RBMS1: variants seen among roughly 807,000 people sequenced by gnomAD.
The protein encoded by RBMS1 is RNA-binding motif, single-stranded-interacting protein 1.
RBMS1 carries 17 observed loss-of-function variants against 62.3 expected under a neutral mutation model. The ratio of observed to expected loss-of-function variants is 0.27; its 90% CI spans 0.19 to 0.41. The LOEUF is 0.41. Among genes scored for constraint, RBMS1 ranks in the 10% least tolerant of loss-of-function variants. The pLI is 1.00. For synonymous variants in RBMS1, 172 were observed against 170.0 expected (o/e 1.01, Z -0.09); for missense variants, 334 against 504.5 (o/e 0.66, Z 3.24).
chr2:160,275,450 ATTAATC>A, intron 13 of RBMS1, 174 bp downstream of exon 13: 1 of 1,181,400 alleles, frequency 8.5e-7, no homozygotes, highest in Non-Finnish European at 1.1e-6. Flanking sequence ...AGACAAAATG[ATTAATC>A]TTAAATTCAT....
At chr2:160,299,670 T>G (rs969321083) in intron 6 of RBMS1, among the ~76,000 whole-genome samples, 1 of 152,140 alleles carries the variant, frequency 6.6e-6, no homozygotes, top group African/African-American at 2.4e-5. Flanking sequence ...AGACTGGATG[T>G]GGGTGTAGGT....
At chr2:160,414,944 G>T (rs1032277522) in intron 1 of RBMS1, among the ~76,000 whole-genome samples, 1 of 151,780 alleles carries the variant, frequency 6.6e-6, no homozygotes, top group African/African-American at 2.4e-5. Context: ...TAAAATTCAA[G>T]ATTTTGCTTT....
intron 2 of RBMS1, among the ~76,000 whole-genome samples, chr2:160,318,658 A>C (rs981743409): frequency 6.6e-6 from 1 of 152,254 alleles, no homozygotes; most frequent in African/African-American, 2.4e-5. Context: ...AACAGCGGAA[A>C]GCTGCTTGCA....
rs944057598 is a variant in RBMS1 at position 160,394,769 on chromosome 2, CTT to C, written c.76-27380_76-27379del. 7.9e-5 allele frequency among the ~76,000 whole-genome samples: 12 copies of C among 152,190 alleles called. 1 individual carries two copies. The highest frequency in any genetic ancestry group is 1.5e-5 in the Non-Finnish European group (1 of 68,026). ...CAATGATTTTTTAAAAAGATACACT[CTT>C]TAACATTCATTAGAAAAACATTAGT... On this transcript the variant is annotated intron_variant, in intron 1 of 13. Coordinates refer to ENST00000348849, the MANE Select transcript of RBMS1 (RefSeq NM_016836.4).
intron 1 of RBMS1, among the ~76,000 whole-genome samples, chr2:160,478,996 C>T (rs1484931136): frequency 6.6e-6 from 1 of 152,274 alleles, no homozygotes; most frequent in African/African-American, 2.4e-5. Context: ...GCGTGGTGAA[C>T]GAAAGGGTTG....
chr2:160,296,957 T>C (rs578195522), intron 6 of RBMS1, among the ~76,000 whole-genome samples: 4 of 152,282 alleles, frequency 2.6e-5, no homozygotes, highest in South Asian at 4.1e-4. Flanking sequence ...GTGAACCCAC[T>C]TGACACTCCA....
At chr2:160,455,586 A>G (rs1028517450) in intron 1 of RBMS1, among the ~76,000 whole-genome samples, 1 of 152,182 alleles carries the variant, frequency 6.6e-6, no homozygotes, top group African/African-American at 2.4e-5. Flanking sequence ...ACCTGCCTGG[A>G]GAGGACACCA....
intron 1 of RBMS1, among the ~76,000 whole-genome samples, chr2:160,391,710 G>A (rs1694872569): frequency 2.6e-5 from 4 of 152,180 alleles, no homozygotes; most frequent in Non-Finnish European, 5.9e-5. Flanking sequence ...GGGCACAGTG[G>A]CTCATGCCTG....
chr2:160,286,796 G>T (rs4369810), intron 7 of RBMS1, among the ~76,000 whole-genome samples, 173 bp downstream of exon 7: 1 of 152,130 alleles, frequency 6.6e-6, no homozygotes, highest in Non-Finnish European at 1.5e-5. Context: ...ATAATGAAAA[G>T]AATTTTAATT....
intron 1 of RBMS1, among the ~76,000 whole-genome samples, chr2:160,445,873 C>T (rs1433635200): frequency 6.6e-6 from 1 of 152,080 alleles, no homozygotes; most frequent in East Asian, 1.9e-4. Context: ...TAGTATCTGC[C>T]TTTTCATTCA....
At chr2:160,414,589 C>T (rs1245594680) in intron 1 of RBMS1, among the ~76,000 whole-genome samples, 1 of 152,108 alleles carries the variant, frequency 6.6e-6, no homozygotes, top group Middle Eastern at 3.2e-3. Context: ...AAATTTGAAA[C>T]AAATAACTTA....
At chr2:160,331,121 A>G (rs1244231968) in intron 2 of RBMS1, among the ~76,000 whole-genome samples, 2 of 152,132 alleles carry the variant, frequency 1.3e-5, no homozygotes, top group Non-Finnish European at 2.9e-5. Flanking sequence ...TGACACCTTA[A>G]TTTTGGATTT....
chr2:160,489,065 C>T (rs1403087600), intron 1 of RBMS1, among the ~76,000 whole-genome samples: 2 of 152,196 alleles, frequency 1.3e-5, no homozygotes, highest in Non-Finnish European at 2.9e-5. Flanking sequence ...TCCTAGCTCA[C>T]CTATCTTTTC....
intron 1 of RBMS1, among the ~76,000 whole-genome samples, chr2:160,434,313 T>G (rs769230939): frequency 3.9e-5 from 6 of 152,176 alleles, no homozygotes; most frequent in Non-Finnish European, 7.4e-5. Context: ...ACATATATAT[T>G]AAATTCAAAA....
At chr2:160,484,676 C>T (rs1685519027) in intron 1 of RBMS1, among the ~76,000 whole-genome samples, 1 of 151,578 alleles carries the variant, frequency 6.6e-6, no homozygotes. Flanking sequence ...TCGAGACCAT[C>T]CTGGCTAACA....
rs773090759 is a variant in RBMS1, at chr2:160,275,706, A to G, written c.1152T>C (p.Ser384=). The part of the protein sequence containing the change: ...QTTAVPVEEA[S]GQQQVAVETS... ...TCTCGACAGCCACCTGCTGTTGACC[A>G]CTTGCCTCCTACAACAAACAAAGCA... The change falls in exon 13 of 14, where the codon AGT becomes AGC. Residue 384 remains serine (S), a synonymous_variant. Coordinates refer to ENST00000348849, the MANE Select transcript of RBMS1 (RefSeq NM_016836.4). 6.2e-7 allele frequency: 1 copy of G among 1,613,812 alleles called. No homozygotes were observed. The highest frequency in any genetic ancestry group is 8.5e-7 in the Non-Finnish European group (1 of 1,179,716).
chr2:160,493,349 CCA>C lies in RBMS1; in HGVS notation c.13_14del (p.Trp5GlufsTer40), dbSNP rs1256617448. 1.2e-6 allele frequency: 2 copies of C among 1,613,442 alleles called. No homozygotes were observed. Among genetic ancestry groups the C allele is most frequent in the Non-Finnish European group, 8.5e-7 (1 of 1,179,592 alleles). MGKV[W>X]KQQMYPQYAT... ...CGTACTGAGGGTACATCTGCTGTTT[CCA>C]CACTTTGCCCATGAAGCTGGAAGGG... is the stretch of plus-strand genomic sequence containing the variant. On this transcript the variant is annotated frameshift_variant, in exon 1 of 14. Transcript: ENST00000348849. LOFTEE classifies it high-confidence loss of function.
intron 1 of RBMS1, among the ~76,000 whole-genome samples, chr2:160,435,642 G>A (rs1466757902): frequency 2.0e-5 from 3 of 152,124 alleles, no homozygotes; most frequent in Non-Finnish European, 1.5e-5. Context: ...TGTCAAAAAA[G>A]GCACTTATTT....
At chr2:160,446,693 T>C (rs889644244) in intron 1 of RBMS1, among the ~76,000 whole-genome samples, 4 of 152,190 alleles carry the variant, frequency 2.6e-5, no homozygotes, top group African/African-American at 9.7e-5. Flanking sequence ...TTATTTCTGT[T>C]TTAAACTAAT....
Sources: gnomAD v4.1 joint callset for allele counts (sites outside exome capture counted in the v4.1 genomes callset) on GRCh38, gnomAD v4.1.1 for gene constraint, MANE v1.5 for transcripts, NCBI Gene and HGNC (gene_info 2026-07-23, HGNC 2026-07-21) for gene names.